Variants in EEIG2 observed in about 807,000 individuals in gnomAD.
The protein encoded by EEIG2 is EEIG family member 2, also known as family with sequence similarity 102 member B.
At chr1:108,579,766 T>TGA in the EEIG2 span, among the ~76,000 whole-genome samples, 9 of 14,828 alleles carry the variant, frequency 6.1e-4, no homozygotes, top group Admixed American at 1.2e-3. Flanking sequence ...TGTGTGTGTG[T>TGA]GTGTGTGAGA....
At chr1:108,613,406 C>T in the EEIG2 span, among the ~76,000 whole-genome samples, 1 of 152,134 alleles carries the variant, frequency 6.6e-6, no homozygotes, top group East Asian at 1.9e-4. Flanking sequence ...ATGTCTTCTC[C>T]TGCCTGGTCA....
chr1:108,620,619 G>T, the EEIG2 span, among the ~76,000 whole-genome samples: 351 of 152,300 alleles, frequency 2.3e-3, no homozygotes, highest in African/African-American at 8.3e-3. Context: ...ATTCCAAAAG[G>T]AAGGAAATTA....
At chr1:108,577,014 T>C in the EEIG2 span, among the ~76,000 whole-genome samples, 1 of 149,330 alleles carries the variant, frequency 6.7e-6, no homozygotes, top group African/African-American at 2.5e-5. Flanking sequence ...TGATATCTCA[T>C]AGTGGTTTTG....
chr1:108,621,168 A>G, the EEIG2 span, among the ~76,000 whole-genome samples: 121 of 152,304 alleles, frequency 7.9e-4, no homozygotes, highest in African/African-American at 2.8e-3. Flanking sequence ...AAAGCAATCA[A>G]ATTAAAGTAA....
At chr1:108,593,837 G>T in the EEIG2 span, among the ~76,000 whole-genome samples, 1 of 151,970 alleles carries the variant, frequency 6.6e-6, no homozygotes, top group Non-Finnish European at 1.5e-5. Flanking sequence ...ATAAAGCCTC[G>T]CTCTGTTGCC....
chr1:108,637,010 G>T, the EEIG2 span: 1 of 152,154 alleles, frequency 6.6e-6, no homozygotes, highest in African/African-American at 2.4e-5. Context: ...TGTAAGTGGG[G>T]TTCAGTGAGG....
the EEIG2 span, among the ~76,000 whole-genome samples, chr1:108,620,702 A>G: frequency 6.6e-6 from 1 of 152,224 alleles, no homozygotes; most frequent in Non-Finnish European, 1.5e-5. Context: ...AATATTATCC[A>G]TATTTTTGAG....
At chr1:108,580,258 A>C in the EEIG2 span, among the ~76,000 whole-genome samples, 4 of 152,164 alleles carry the variant, frequency 2.6e-5, no homozygotes, top group Non-Finnish European at 5.9e-5. Flanking sequence ...CGAACTTAGT[A>C]GTGTTGAGTG....
chr1:108,575,558 C>T, the EEIG2 span, among the ~76,000 whole-genome samples: 1 of 152,166 alleles, frequency 6.6e-6, no homozygotes, highest in Non-Finnish European at 1.5e-5. Flanking sequence ...GTTGAAACAA[C>T]CCCAGTGTCC....
the EEIG2 span, among the ~76,000 whole-genome samples, chr1:108,613,746 A>G: frequency 6.6e-6 from 1 of 151,670 alleles, no homozygotes; most frequent in South Asian, 2.1e-4. Context: ...GTTTTTCTCT[A>G]TATCTCTTCT....
the EEIG2 span, chr1:108,629,442 A>G: frequency 3.0e-3 from 1,618 of 544,500 alleles, 23 homozygotes; most frequent in African/African-American, 0.028. Flanking sequence ...TAAATTGCCT[A>G]TTTTAAAACA....
the EEIG2 span, among the ~76,000 whole-genome samples, chr1:108,590,519 A>T: frequency 6.6e-6 from 1 of 152,184 alleles, no homozygotes; most frequent in African/African-American, 2.4e-5. Context: ...GTGTGTAATA[A>T]TTCATTTGGT....
At chr1:108,571,045 C>T in the EEIG2 span, among the ~76,000 whole-genome samples, 1 of 152,030 alleles carries the variant, frequency 6.6e-6, no homozygotes, top group Admixed American at 6.6e-5. Context: ...GGCAAAGAAC[C>T]GTGAGTCTAG....
chr1:108,636,459 G>C, the EEIG2 span: 1 of 152,142 alleles, frequency 6.6e-6, no homozygotes, highest in Non-Finnish European at 1.5e-5. Flanking sequence ...GTGTTTTCAC[G>C]TTGGCAAAAA....
At chr1:108,606,308 T>C in the EEIG2 span, 1 of 1,261,026 alleles carries the variant, frequency 7.9e-7, no homozygotes, top group South Asian at 1.6e-5. Context: ...TATTGCTATT[T>C]ATAGGCTTAA....
the EEIG2 span, chr1:108,629,888 T>C: frequency 1.9e-6 from 1 of 525,120 alleles, no homozygotes. Context: ...AGAAATATTT[T>C]TAAAGGGTAT....
the EEIG2 span, among the ~76,000 whole-genome samples, chr1:108,575,872 G>A: frequency 6.6e-6 from 1 of 152,196 alleles, no homozygotes; most frequent in African/African-American, 2.4e-5. Flanking sequence ...TGATGAAAAT[G>A]TTCTAAAATT....
the EEIG2 span, chr1:108,638,488 C>T: frequency 6.6e-6 from 1 of 152,224 alleles, no homozygotes. Context: ...CATTTAAGTA[C>T]ATACTCTGAA....
chr1:108,576,767 G>A, the EEIG2 span, among the ~76,000 whole-genome samples: 1 of 150,290 alleles, frequency 6.7e-6, no homozygotes, highest in Non-Finnish European at 1.5e-5. Flanking sequence ...ACGTGTGCAT[G>A]TGTCTTTATA....
Sources: allele counts gnomAD v4.1 joint callset (sites outside exome capture counted in the v4.1 genomes callset), GRCh38; gene constraint gnomAD v4.1.1; transcripts MANE v1.5; gene names NCBI Gene and HGNC (gene_info 2026-07-23, HGNC 2026-07-21).